The following RNF128 variants were observed in gnomAD, a reference collection of about 807,000 sequenced individuals.
RNF128 encodes the protein E3 ubiquitin-protein ligase RNF128.
RNF128 carries 13 observed loss-of-function variants against 26.2 expected under a neutral mutation model. The observed-to-expected ratio is 0.50, with a 90% CI of 0.32 to 0.79. The LOEUF (loss-of-function observed/expected upper bound fraction) is 0.79, where lower values mean the gene tolerates loss of function less well. RNF128 is among the 30% of genes least tolerant of loss of function. The pLI is 0.03. For synonymous variants in RNF128, 149 were observed against 142.5 expected, an observed-to-expected ratio of 1.05 and a Z score of -0.32; for missense variants, 315 against 349.7, an observed-to-expected ratio of 0.90 and a Z score of 0.79.
chrX:106,715,746 G>A (rs766083332), intron 1 of RNF128, among the ~76,000 whole-genome samples: 1 of 111,715 alleles, frequency 9.0e-6, no homozygotes, highest in South Asian at 3.8e-4. Flanking sequence ...GGTATGCTTT[G>A]GATATATTTA....
rs756149422 is a variant in RNF128 at position 106,727,343 on chromosome X, G to C, written c.430G>C (p.Val144Leu). 2.5e-6 allele frequency: 3 copies of C among 1,211,550 alleles called. No homozygotes were observed. Among genetic ancestry groups the C allele is most frequent in the South Asian group, 1.8e-5 (1 of 56,938 alleles). Residue 144 changes from valine to leucine, a missense_variant, in exon 1 of 7, where the codon GTC (valine) becomes CTC (leucine). Transcript: ENST00000255499. ...TTATGAGAGAGGGGCGTCTGGAGCC[G>C]TCATCTTTAACTTCCCCGGGACCCG... ...LAYERGASGA[V>L]IFNFPGTRNE...
upstream of RNF128, among the ~76,000 whole-genome samples, chrX:106,724,349 C>A (rs1929361074): frequency 9.0e-6 from 1 of 111,271 alleles, no homozygotes; most frequent in Admixed American, 9.6e-5. Flanking sequence ...CTCCCTGCTG[C>A]TATTCTCATT....
At chrX:106,696,110 T>C (rs1245658800) in intron 1 of RNF128, among the ~76,000 whole-genome samples, 1 of 111,780 alleles carries the variant, frequency 8.9e-6, no homozygotes, top group East Asian at 2.8e-4. Context: ...TGATCAAAAA[T>C]ATTTTAAAGC....
chrX:106,721,791 A>G (rs1435821863), upstream of RNF128, among the ~76,000 whole-genome samples: 1 of 112,035 alleles, frequency 8.9e-6, no homozygotes, highest in Non-Finnish European at 1.9e-5. Flanking sequence ...AAGAGTCAGA[A>G]CGGCATTGGA....
chrX:106,710,746 C>CAAAAA (rs11326354), intron 1 of RNF128, among the ~76,000 whole-genome samples: 3 of 35,202 alleles, frequency 8.5e-5, no homozygotes, highest in African/African-American at 3.8e-4. Flanking sequence ...GAAAGTCTGT[C>CAAAAA]AAAAAAAAAA....
chrX:106,749,674 G>C (rs1349062800), intron 1 of RNF128, among the ~76,000 whole-genome samples: 6 of 111,888 alleles, frequency 5.4e-5, no homozygotes, highest in African/African-American at 1.9e-4. Flanking sequence ...AGGAGGCCAT[G>C]GTGGGAGGAT....
chrX:106,700,395 G>A (rs777311545), intron 1 of RNF128, among the ~76,000 whole-genome samples: 5 of 111,360 alleles, frequency 4.5e-5, no homozygotes, highest in African/African-American at 6.5e-5. Flanking sequence ...CAGAGACCAC[G>A]TCTGTCATGT....
At chrX:106,767,733 T>C (rs934279161) in intron 1 of RNF128, among the ~76,000 whole-genome samples, 6 of 111,556 alleles carry the variant, frequency 5.4e-5, no homozygotes, top group Non-Finnish European at 9.4e-5. Flanking sequence ...TTGCCCTGGC[T>C]AGAACTTCCA....
At chrX:106,699,201 G>A (rs891819622) in intron 1 of RNF128, among the ~76,000 whole-genome samples, 4 of 111,441 alleles carry the variant, frequency 3.6e-5, no homozygotes, top group African/African-American at 1.3e-4. Flanking sequence ...GTGATCCTGT[G>A]GAAAATGTAA....
At chrX:106,785,577 A>C (rs1034666081) in intron 3 of RNF128, among the ~76,000 whole-genome samples, 1 of 111,856 alleles carries the variant, frequency 8.9e-6, no homozygotes, top group East Asian at 2.8e-4. Context: ...AAGCTGGGAA[A>C]GATAAGGAGA....
At chrX:106,793,706 G>A (rs1439469141) in intron 6 of RNF128, among the ~76,000 whole-genome samples, 1 of 110,836 alleles carries the variant, frequency 9.0e-6, no homozygotes, top group Non-Finnish European at 1.9e-5. Context: ...ATTTTCTAGA[G>A]TGTCCCTCAA....
Position 106,783,259 on chromosome X carries a change from A to G in RNF128, c.733-1806A>G, listed in dbSNP as rs750470189. On this transcript the variant is annotated intron_variant, in intron 2 of 6. Coordinates refer to ENST00000255499, the MANE Select transcript of RNF128 (RefSeq NM_194463.2). ...TATATAGGAGACAGGTTTGGGCATC[A>G]ATGAGATTCCTCACCTACTGATACT... 6.3e-5 allele frequency among the ~76,000 whole-genome samples: 7 copies of G among 111,681 alleles called. No homozygotes were observed. In the South Asian group the frequency reaches 2.6e-3, roughly 42 times the overall value.
Position 106,787,970 on chromosome X carries a change from C to A in RNF128, c.857C>A (p.Pro286Gln), listed in dbSNP as rs751838290. Residue 286 changes from proline to glutamine, a missense_variant, in exon 4 of 7, where the codon CCA (proline) becomes CAA (glutamine). By Grantham distance (76) the Pro-to-Gln change is moderately conservative. Coordinates refer to ENST00000255499, the MANE Select transcript of RNF128 (RefSeq NM_194463.2). ...SCAVCIELYK[P>Q]NDLVRILTCN... is the part of the protein sequence containing the mutation. ...GCTGTGTGCATTGAATTGTATAAAC[C>A]AAATGATTTGGTACGCATCTTAACG... is the stretch of plus-strand genomic sequence containing the variant. 6.8e-6 allele frequency: 8 copies of A among 1,182,812 alleles called. No homozygotes were observed. Among genetic ancestry groups the A allele is most frequent in the Non-Finnish European group, 7.9e-6 (7 of 881,665 alleles).
intron 1 of RNF128, among the ~76,000 whole-genome samples, chrX:106,695,391 T>C (rs1250560995): frequency 8.9e-6 from 1 of 112,070 alleles, no homozygotes; most frequent in African/African-American, 3.2e-5. Flanking sequence ...CAAACTTATG[T>C]TAAGAATAGT....
chrX:106,716,985 G>A (rs1490775715), intron 1 of RNF128, among the ~76,000 whole-genome samples: 1 of 110,460 alleles, frequency 9.1e-6, no homozygotes, highest in Non-Finnish European at 1.9e-5. Context: ...GGCAGATCAC[G>A]AGGTCGGGAG....
At chrX:106,719,945 C>T (rs1279608912) in intron 1 of RNF128, among the ~76,000 whole-genome samples, 2 of 110,080 alleles carry the variant, frequency 1.8e-5, no homozygotes, top group Non-Finnish European at 3.8e-5. Flanking sequence ...TCATTAAAAA[C>T]ATTTTCCTAT....
intron 1 of RNF128, among the ~76,000 whole-genome samples, chrX:106,771,557 C>T (rs5962747): frequency 0.24 from 26,642 of 112,162 alleles, 2,850 homozygotes; most frequent in Non-Finnish European, 0.33. Flanking sequence ...CTGAGCCAGG[C>T]GCGGGTTATA....
At chrX:106,774,086 A>T in intron 2 of RNF128, among the ~76,000 whole-genome samples, 1 of 111,568 alleles carries the variant, frequency 9.0e-6, no homozygotes, top group Non-Finnish European at 1.9e-5. Flanking sequence ...TTGTGACCGT[A>T]AAATCAGAGT....
intron 1 of RNF128, among the ~76,000 whole-genome samples, chrX:106,757,757 C>A (rs968990307): frequency 9.0e-6 from 1 of 111,060 alleles, no homozygotes; most frequent in African/African-American, 3.3e-5. Context: ...TTAAAAAAAA[C>A]CCTAAAAAAT....
Sources: allele counts gnomAD v4.1 joint callset (sites outside exome capture counted in the v4.1 genomes callset), GRCh38; gene constraint gnomAD v4.1.1; transcripts MANE v1.5; gene names NCBI Gene and HGNC (gene_info 2026-07-23, HGNC 2026-07-21).